COX10: variants seen among roughly 807,000 people sequenced by gnomAD.
The protein encoded by COX10 is cytochrome c oxidase assembly factor heme A:farnesyltransferase COX10.
In COX10, 27 loss-of-function variants were observed where a neutral mutation model predicts 37.3. That is an observed-to-expected ratio of 0.72 (90% CI 0.53 to 1.00). COX10 has a LOEUF of 1.00. Among genes scored for constraint, COX10 ranks in the 50% least tolerant of loss-of-function variants. COX10 has a pLI of 0.00. For missense variants in COX10, 475 were observed against 563.2 expected (o/e 0.84, Z 1.59); for synonymous variants, 222 against 229.1 (o/e 0.97, Z 0.28).
intron 5 of COX10, among the ~76,000 whole-genome samples, chr17:14,188,012 C>T (rs8077480): frequency 0.4 from 60,764 of 151,814 alleles, 12,245 homozygotes; most frequent in African/African-American, 0.43. Context: ...TTCATGTGTG[C>T]TCTTCTAAAA....
intron 5 of COX10, among the ~76,000 whole-genome samples, chr17:14,162,178 A>C (rs932604871): frequency 1.3e-5 from 2 of 152,240 alleles, no homozygotes; most frequent in African/African-American, 4.8e-5. Flanking sequence ...ACAGCTGGCA[A>C]TAACCAGACT....
intron 4 of COX10, among the ~76,000 whole-genome samples, chr17:14,115,628 C>T (rs1916095261): frequency 6.6e-6 from 1 of 152,098 alleles, no homozygotes; most frequent in Admixed American, 6.6e-5. Flanking sequence ...TGCAATCAAC[C>T]TAAGCGTCCA....
chr17:14,161,365 G>A (rs1161710631), intron 5 of COX10, among the ~76,000 whole-genome samples: 2 of 152,166 alleles, frequency 1.3e-5, no homozygotes, highest in African/African-American at 2.4e-5. Context: ...GTAAAATCAT[G>A]TTAGGTGGAA....
chr17:14,170,305 A>G (rs1174074705), intron 5 of COX10, among the ~76,000 whole-genome samples: 1 of 152,212 alleles, frequency 6.6e-6, no homozygotes, highest in Admixed American at 6.5e-5. Flanking sequence ...ATAAAGTTAG[A>G]TTCAGTATTA....
intron 4 of COX10, among the ~76,000 whole-genome samples, chr17:14,135,852 A>T (rs1425490574): frequency 6.6e-6 from 1 of 151,968 alleles, no homozygotes; most frequent in Admixed American, 6.6e-5. Flanking sequence ...GCATTTGAGT[A>T]GCAAAGAAAA....
At chr17:14,147,481 G>A (rs1282947604) in intron 4 of COX10, among the ~76,000 whole-genome samples, 1 of 152,040 alleles carries the variant, frequency 6.6e-6, no homozygotes, top group Non-Finnish European at 1.5e-5. Flanking sequence ...GAGAGTAGAA[G>A]GACGGTTACC....
At position 14,122,524 on chromosome 17, in the gene COX10, A is replaced by AT. The variant is rs201532405; in HGVS notation, c.624+20291dup. Among the ~76,000 whole-genome samples the AT allele has an allele frequency of 6.1e-3, 922 of 151,868 alleles. 11 individuals carry two copies. Among genetic ancestry groups the AT allele is most frequent in the African/African-American group, 0.021 (866 of 41,386 alleles). On this transcript the variant is annotated intron_variant, in intron 4 of 6. Transcript: ENST00000261643. Reference sequence around the variant, plus strand: ...CAATCATATATGATTCTGGTGAGAGATTTTTTTTTCTGTACTTTTATTTGC... The same window carrying AT: ...CAATCATATATGATTCTGGTGAGAGATTTTTTTTTTCTGTACTTTTATTTGC...
chr17:14,151,394 G>A (rs1466324769), intron 4 of COX10, among the ~76,000 whole-genome samples: 1 of 152,078 alleles, frequency 6.6e-6, no homozygotes, highest in East Asian at 1.9e-4. Flanking sequence ...GTCAGATGCT[G>A]CTGCCAAGTT....
chr17:14,135,654 T>C (rs570187919), intron 4 of COX10, among the ~76,000 whole-genome samples: 5 of 152,120 alleles, frequency 3.3e-5, no homozygotes, highest in South Asian at 2.1e-4. Context: ...ACTCTAAATG[T>C]GTATAAAGAA....
At chr17:14,186,851 TG>T (rs1410043303) in intron 5 of COX10, among the ~76,000 whole-genome samples, 2 of 152,110 alleles carry the variant, frequency 1.3e-5, no homozygotes, top group Admixed American at 6.6e-5. Context: ...TGGGAGACTC[TG>T]GGTTAAACTG....
chr17:14,085,337 T>A (rs1274288978), intron 3 of COX10, among the ~76,000 whole-genome samples: 1 of 152,230 alleles, frequency 6.6e-6, no homozygotes, highest in African/African-American at 2.4e-5. Context: ...TTTGCTTTCT[T>A]CCCTAATTGG....
chr17:14,093,559 G>T (rs1273590029), intron 3 of COX10, among the ~76,000 whole-genome samples: 2 of 152,116 alleles, frequency 1.3e-5, no homozygotes, highest in Non-Finnish European at 2.9e-5. Context: ...TTAGAACTAG[G>T]GGCCTGGCTA....
intron 5 of COX10, chr17:14,176,985 G>A (rs1905711930): frequency 2.9e-6 from 1 of 346,852 alleles, no homozygotes. Flanking sequence ...AAATCAAAGG[G>A]GAAAATGTTT....
chr17:14,118,262 C>T (rs1916156819), intron 4 of COX10, among the ~76,000 whole-genome samples: 1 of 152,024 alleles, frequency 6.6e-6, no homozygotes. Context: ...GGGTAGAGCC[C>T]TCACCAAGGA....
chr17:14,112,889 A>G (rs984105568), intron 4 of COX10, among the ~76,000 whole-genome samples: 2 of 152,152 alleles, frequency 1.3e-5, no homozygotes, highest in Non-Finnish European at 2.9e-5. Flanking sequence ...ACATTTGGCT[A>G]AAGAAGCAGG....
At chr17:14,129,979 T>TA (rs2142218639) in intron 4 of COX10, among the ~76,000 whole-genome samples, 1 of 152,326 alleles carries the variant, frequency 6.6e-6, no homozygotes, top group East Asian at 1.9e-4. Flanking sequence ...CCCAGGTGGA[T>TA]ATACCTATGA....
At chr17:14,108,973 G>A (rs933195843) in intron 4 of COX10, among the ~76,000 whole-genome samples, 9 of 152,094 alleles carry the variant, frequency 5.9e-5, no homozygotes, top group Non-Finnish European at 1.3e-4. Flanking sequence ...TTATGTTAGT[G>A]AATACCAGTG....
chr17:14,203,963 G>A (rs1166115604), intron 6 of COX10, among the ~76,000 whole-genome samples: 1 of 152,140 alleles, frequency 6.6e-6, no homozygotes, highest in African/African-American at 2.4e-5. Flanking sequence ...CATGGAGAAG[G>A]TGGTTCCAGA....
intron 4 of COX10, among the ~76,000 whole-genome samples, chr17:14,151,704 A>G (rs1904903307): frequency 6.6e-6 from 1 of 152,174 alleles, no homozygotes; most frequent in Admixed American, 6.5e-5. Context: ...TAAAGTACAT[A>G]TATCAAGTCA....
Sources: allele counts gnomAD v4.1 joint callset (sites outside exome capture counted in the v4.1 genomes callset), GRCh38; gene constraint gnomAD v4.1.1; transcripts MANE v1.5; gene names NCBI Gene and HGNC (gene_info 2026-07-23, HGNC 2026-07-21).